NRG1: variants seen among roughly 807,000 people sequenced by gnomAD.
NRG1 encodes the protein neuregulin 1, also known as pro-neuregulin-1, membrane-bound isoform.
A neutral mutation model predicts 63.8 loss-of-function variants in NRG1; 18 were observed. The observed-to-expected ratio is 0.28, with a 90% CI of 0.19 to 0.42. The LOEUF (loss-of-function observed/expected upper bound fraction) is 0.42, where lower values mean the gene tolerates loss of function less well. Among genes scored for constraint, NRG1 ranks in the 10% least tolerant of loss-of-function variants. NRG1 has a pLI of 1.00. For missense variants in NRG1, 762 were observed against 814.7 expected (o/e 0.94, Z 0.79); for synonymous variants, 302 against 301.3 (o/e 1.00, Z -0.02).
chr8:31,797,368 C>T (rs2131697372), intron 1 of NRG1, among the ~76,000 whole-genome samples: 1 of 152,206 alleles, frequency 6.6e-6, no homozygotes, highest in African/African-American at 2.4e-5. Flanking sequence ...CTTGTTTAGT[C>T]ACCATAAGTT....
At chr8:32,398,791 T>G (rs1812786713) in intron 1 of NRG1, among the ~76,000 whole-genome samples, 1 of 152,190 alleles carries the variant, frequency 6.6e-6, no homozygotes, top group Non-Finnish European at 1.5e-5. Context: ...GCAAGTTATC[T>G]CCCAATTATT....
At chr8:31,761,588 G>T (rs115177804) in intron 1 of NRG1, among the ~76,000 whole-genome samples, 82 of 152,240 alleles carry the variant, frequency 5.4e-4, no homozygotes, top group African/African-American at 1.9e-3. Flanking sequence ...GGAATAGGGA[G>T]GCCAGAGGAG....
At chr8:32,154,538 A>C (rs1837850644) in intron 1 of NRG1, among the ~76,000 whole-genome samples, 1 of 148,024 alleles carries the variant, frequency 6.8e-6, no homozygotes. Context: ...TTCTCTCTTT[A>C]TTTTCCTTCC....
intron 1 of NRG1, among the ~76,000 whole-genome samples, chr8:31,750,430 G>T (rs1816334754): frequency 6.6e-6 from 1 of 151,820 alleles, no homozygotes; most frequent in Non-Finnish European, 1.5e-5. Flanking sequence ...TGTCAAGCAC[G>T]GTCACATACA....
At chr8:31,754,803 G>A (rs1201799228) in intron 1 of NRG1, among the ~76,000 whole-genome samples, 2 of 151,774 alleles carry the variant, frequency 1.3e-5, no homozygotes, top group Non-Finnish European at 2.9e-5. Flanking sequence ...AAGAATGAAG[G>A]GACAATGTTA....
At chr8:32,666,833 C>G (rs1216147793) in intron 5 of NRG1, among the ~76,000 whole-genome samples, 1 of 151,960 alleles carries the variant, frequency 6.6e-6, no homozygotes, top group Non-Finnish European at 1.5e-5. Flanking sequence ...CTTTGTGTTT[C>G]TGTGAAACAT....
intron 1 of NRG1, among the ~76,000 whole-genome samples, chr8:32,319,438 A>G (rs184102377): frequency 4.1e-4 from 62 of 152,306 alleles, no homozygotes; most frequent in Non-Finnish European, 7.8e-4. Context: ...AGAACTGCCT[A>G]TTCAAGAGGA....
intron 1 of NRG1, among the ~76,000 whole-genome samples, chr8:31,775,198 G>A (rs1819001768): frequency 6.6e-6 from 1 of 152,220 alleles, no homozygotes; most frequent in African/African-American, 2.4e-5. Context: ...CAGCACCTAA[G>A]TGTCCATCAT....
intron 1 of NRG1, among the ~76,000 whole-genome samples, chr8:32,576,910 T>G (rs574427935): frequency 6.6e-6 from 1 of 152,246 alleles, no homozygotes. Context: ...GTACGAATGA[T>G]CCCATCACCC....
At chr8:31,937,968 G>C (rs1049710289) in intron 1 of NRG1, among the ~76,000 whole-genome samples, 1 of 152,056 alleles carries the variant, frequency 6.6e-6, no homozygotes, top group African/African-American at 2.4e-5. Context: ...ATAATCTCTT[G>C]GGAGGTCTAT....
At chr8:31,687,781 T>C (rs1809056441) in intron 1 of NRG1, among the ~76,000 whole-genome samples, 1 of 152,232 alleles carries the variant, frequency 6.6e-6, no homozygotes, top group African/African-American at 2.4e-5. Flanking sequence ...AAATGGTTAA[T>C]CAGTTTAGTG....
intron 1 of NRG1, among the ~76,000 whole-genome samples, chr8:32,407,329 A>G (rs1340043935): frequency 2.1e-5 from 2 of 96,224 alleles, no homozygotes; most frequent in Admixed American, 1.1e-4. Flanking sequence ...TTATATATAT[A>G]TATGGCCAAC....
chr8:32,454,018 A>C (rs1335363130), intron 1 of NRG1, among the ~76,000 whole-genome samples: 1 of 152,206 alleles, frequency 6.6e-6, no homozygotes, highest in Non-Finnish European at 1.5e-5. Context: ...TGCCTGGGTA[A>C]AAGTTTAATT....
chr8:32,161,663 A>G (rs1331238206), intron 1 of NRG1, among the ~76,000 whole-genome samples: 1 of 152,014 alleles, frequency 6.6e-6, no homozygotes, highest in Non-Finnish European at 1.5e-5. Flanking sequence ...AAACAGTTGT[A>G]TCTTGTTGGT....
At chr8:32,116,138 T>A (rs1832681911) in intron 1 of NRG1, among the ~76,000 whole-genome samples, 1 of 146,390 alleles carries the variant, frequency 6.8e-6, no homozygotes. Flanking sequence ...AATGGGGATA[T>A]TTTTTTATTC....
chr8:32,184,133 T>C (rs1333615307), intron 1 of NRG1, among the ~76,000 whole-genome samples: 1 of 152,070 alleles, frequency 6.6e-6, no homozygotes. Context: ...ATATATATGA[T>C]ATATATAGAT....
chr8:32,095,849 T>C (rs1024007324), intron 1 of NRG1, among the ~76,000 whole-genome samples: 1 of 152,186 alleles, frequency 6.6e-6, no homozygotes, highest in Admixed American at 6.5e-5. Context: ...AACCTTCTTC[T>C]TCACTGAATG....
intron 1 of NRG1, among the ~76,000 whole-genome samples, chr8:31,711,759 A>AAGATCAAGGTACTGGC (rs1183674546): frequency 5.3e-5 from 8 of 152,212 alleles, no homozygotes; most frequent in Non-Finnish European, 1.2e-4. Flanking sequence ...TGAGAAGTCT[A>AAGATCAAGGTACTGGC]AGATCAAGGT....
At chr8:32,470,135 A>C (rs2129490377) in intron 1 of NRG1, among the ~76,000 whole-genome samples, 1 of 148,764 alleles carries the variant, frequency 6.7e-6, no homozygotes, top group Admixed American at 6.7e-5. Context: ...GGCCTCCCGA[A>C]GTGCTGGGAT....
Sources: gnomAD v4.1 joint callset for allele counts (sites outside exome capture counted in the v4.1 genomes callset) on GRCh38, gnomAD v4.1.1 for gene constraint, MANE v1.5 for transcripts, NCBI Gene and HGNC (gene_info 2026-07-23, HGNC 2026-07-21) for gene names.